The following GEMIN5 variants were observed in gnomAD, a reference collection of about 807,000 sequenced individuals.
The protein encoded by GEMIN5 is gem nuclear organelle associated protein 5.
GEMIN5 carries 124 observed loss-of-function variants against 176.9 expected under a neutral mutation model. The observed-to-expected ratio is 0.70, with a 90% CI of 0.61 to 0.81. The LOEUF (loss-of-function observed/expected upper bound fraction) is 0.81. Ranked by LOEUF, GEMIN5 falls within the 40% of genes least tolerant of loss-of-function variation. The probability of loss-of-function intolerance (pLI) is 0.00; values close to 1 mark genes in which losing one functional copy is unlikely to be tolerated. For missense variants in GEMIN5, 1,843 were observed against 1,814.6 expected, an observed-to-expected ratio of 1.02 and a Z score of -0.28; for synonymous variants, 673 against 665.2, an observed-to-expected ratio of 1.01 and a Z score of -0.18.
intron 24 of GEMIN5, among the ~76,000 whole-genome samples, chr5:154,893,871 G>A (rs1763292200): frequency 6.6e-6 from 1 of 152,174 alleles, no homozygotes; most frequent in Non-Finnish European, 1.5e-5. Context: ...AGCCTCCAGA[G>A]TGGCTGGGAC....
At chr5:154,895,836 C>T (rs139175889) in intron 24 of GEMIN5, among the ~76,000 whole-genome samples, 2 of 152,174 alleles carry the variant, frequency 1.3e-5, no homozygotes, top group Non-Finnish European at 2.9e-5. Context: ...TGCAGTGAGC[C>T]AAGATCATGC....
chr5:154,892,572 G>A (rs1199155274), intron 24 of GEMIN5, 23 bp from the exon 25 acceptor site: 1 of 1,609,848 alleles, frequency 6.2e-7, no homozygotes, highest in South Asian at 1.1e-5. Flanking sequence ...GCCAGAGTCT[G>A]AGTTAAACAT....
At position 154,905,993 on chromosome 5, in the gene GEMIN5, CTT is replaced by C. The variant is rs558096485; in HGVS notation, c.2396-519_2396-518del. Among the ~76,000 whole-genome samples the C allele has an allele frequency of 5.3e-3, 778 of 146,282 alleles. 5 individuals are homozygous for C. Among genetic ancestry groups the C allele is most frequent in the African/African-American group, 0.018 (729 of 40,158 alleles). On this transcript the variant is annotated intron_variant, in intron 16 of 27. Transcript: ENST00000285873. ...GGCGTGAGCCACCGCTCCTGGCTTA[CTT>C]TTTTTTTTTTCTTTTGGTTAGAGAT... is the stretch of plus-strand genomic sequence containing the variant.
intron 19 of GEMIN5, 64 bp downstream of exon 19, chr5:154,903,016 G>A: frequency 9.6e-7 from 1 of 1,039,348 alleles, no homozygotes. Flanking sequence ...CATCAAAGAG[G>A]TGCACACAAA....
chr5:154,895,032 T>C (rs1186076547), intron 24 of GEMIN5, among the ~76,000 whole-genome samples: 2 of 151,668 alleles, frequency 1.3e-5, no homozygotes. Flanking sequence ...TGAGCAGATA[T>C]CATGCCACTG....
intron 12 of GEMIN5, 118 bp from the exon 13 acceptor site, chr5:154,917,297 C>T (rs1763834121): frequency 8.5e-6 from 4 of 470,008 alleles, no homozygotes; most frequent in African/African-American, 5.9e-5. Flanking sequence ...AAGGATAACC[C>T]TTTCTATCAC....
rs746458574 is a variant in GEMIN5 at position 154,903,083 on chromosome 5, C to G, written c.2725G>C (p.Glu909Gln). 6.3e-7 allele frequency: 1 copy of G among 1,581,202 alleles called. No individual in the cohort carries two copies. The highest frequency in any genetic ancestry group is 2.2e-5 in the East Asian group (1 of 44,708). The change falls in exon 19 of 28, where the codon GAA (glutamate) becomes CAA (glutamine). Residue 909 changes from glutamate (E) to glutamine (Q), a missense_variant. Physicochemically the swap from Glu to Gln is conservative, Grantham distance 29. Transcript: ENST00000285873. ...RATLYRMIDI[E>Q]GKGHLENGHP... ...ATGTTGACTGGATTTGTCTCACCTT[C>G]AATATCAATCATTCTATACAGGGTA...
intron 25 of GEMIN5, 143 bp downstream of exon 25, chr5:154,892,244 A>G: frequency 1.5e-6 from 1 of 682,450 alleles, no homozygotes; most frequent in South Asian, 2.1e-5. Context: ...AAGCTTCGGT[A>G]AGAGAATCCA....
In GEMIN5 at chr5:154,888,397, G is replaced by C. The variant is rs762672822; in HGVS notation, c.4360-20C>G. 1 of 1,603,884 alleles carries C rather than the reference G, an allele frequency of 6.2e-7. No homozygotes were observed. The highest frequency in any genetic ancestry group is 1.1e-5 in the South Asian group (1 of 90,352). Reference sequence around the variant, plus strand: ...CCAGGCCTGAAAGACGATGACATGAGGATGAATAAGGAAGCATTTGCAGAA... The same window carrying C: ...CCAGGCCTGAAAGACGATGACATGACGATGAATAAGGAAGCATTTGCAGAA... On this transcript the variant is annotated intron_variant, in intron 27 of 27. Transcript: ENST00000285873.
chr5:154,888,629 T>C (rs1434341429), intron 27 of GEMIN5, among the ~76,000 whole-genome samples: 5 of 152,106 alleles, frequency 3.3e-5, no homozygotes, highest in African/African-American at 1.2e-4. Flanking sequence ...CCTATGCAAA[T>C]CCACCCTTAA....
chr5:154,904,332 T>C (rs532218431), intron 18 of GEMIN5, among the ~76,000 whole-genome samples, 175 bp downstream of exon 18: 9 of 152,084 alleles, frequency 5.9e-5, no homozygotes, highest in African/African-American at 2.2e-4. Context: ...AATGGGGAGT[T>C]TGGCAGCAAG....
intron 20 of GEMIN5, among the ~76,000 whole-genome samples, chr5:154,902,316 A>G (rs1241578644): frequency 6.6e-6 from 1 of 152,196 alleles, no homozygotes; most frequent in Non-Finnish European, 1.5e-5. Context: ...TTGTCCTTCA[A>G]GAAGTTCTCA....
intron 16 of GEMIN5, among the ~76,000 whole-genome samples, chr5:154,906,659 G>A (rs1763574707): frequency 6.6e-6 from 1 of 152,172 alleles, no homozygotes; most frequent in Admixed American, 6.5e-5. Flanking sequence ...AGCCTCCTGA[G>A]GATCTGGGAC....
At chr5:154,903,959 C>T (rs1763519619) in intron 18 of GEMIN5, among the ~76,000 whole-genome samples, 2 of 151,856 alleles carry the variant, frequency 1.3e-5, no homozygotes, top group Admixed American at 1.3e-4. Context: ...CATCCCTTTT[C>T]CACATGTAAA....
chr5:154,918,666 G>C lies in GEMIN5; in HGVS notation c.1600-662C>G, dbSNP rs79179035. Among the ~76,000 whole-genome samples the C allele has an allele frequency of 4.6e-3, 703 of 152,268 alleles. 8 individuals are homozygous for C. The highest frequency in any genetic ancestry group is 0.016 in the African/African-American group (676 of 41,544). ...GTTTAGATAAAATTAAAGACAATGA[G>C]GGAATATAATCAACAATATAACCCA... On this transcript the variant is annotated intron_variant, in intron 11 of 27. Transcript: ENST00000285873.
chr5:154,917,970 T>G lies in GEMIN5; in HGVS notation c.1634A>C (p.Lys545Thr), dbSNP rs775612472. The stretch of plus-strand genomic sequence containing the variant: ...AAGAGCCATGATTTTGCCATCTGCT[T>G]TCCAACTTATCTCTGTGTGTACAGG... ...KLPVHTEISW[K>T]ADGKIMALGN... Residue 545 changes from lysine to threonine, a missense_variant, in exon 12 of 28, where the codon AAA becomes ACA. Physicochemically the swap from Lys to Thr is moderately conservative, Grantham distance 78 (BLOSUM62 -1). Coordinates refer to ENST00000285873, the MANE Select transcript of GEMIN5 (RefSeq NM_015465.5). The G allele has an allele frequency of 6.2e-7, 1 of 1,612,726 alleles. No individual in the cohort carries two copies. Among genetic ancestry groups the G allele is most frequent in the South Asian group, 1.1e-5 (1 of 91,058 alleles).
At chr5:154,889,784 T>C (rs566274450) in intron 26 of GEMIN5, among the ~76,000 whole-genome samples, 6 of 152,360 alleles carry the variant, frequency 3.9e-5, no homozygotes, top group African/African-American at 1.2e-4. Context: ...ACTGGCTTAT[T>C]TCACTCAGCA....
In GEMIN5 at chr5:154,911,853, G is replaced by A; in HGVS notation, c.2041C>T (p.His681Tyr). 6.2e-7 allele frequency: 1 copy of A among 1,614,086 alleles called. No individual in the cohort carries two copies. ...REEPLCNFRG[H>Y]RGRLLCVAWS... ...GCCACACAAAGCAGTCGACCTCGAT[G>A]TCCTCGGAAATTGCACAGGGGCTCT... Residue 681 changes from histidine (H) to tyrosine (Y), a missense_variant, in exon 15 of 28, where the codon CAT becomes TAT. Physicochemically the swap from His to Tyr is moderately conservative, Grantham distance 83. Coordinates refer to ENST00000285873, the MANE Select transcript of GEMIN5 (RefSeq NM_015465.5).
intron 13 of GEMIN5, among the ~76,000 whole-genome samples, chr5:154,915,149 C>A (rs1291375014): frequency 6.6e-6 from 1 of 152,142 alleles, no homozygotes; most frequent in Admixed American, 6.6e-5. Flanking sequence ...ACACTGTCTA[C>A]TATTTATTAC....
Sources: gnomAD v4.1 joint callset for allele counts (sites outside exome capture counted in the v4.1 genomes callset) on GRCh38, gnomAD v4.1.1 for gene constraint, MANE v1.5 for transcripts, NCBI Gene and HGNC (gene_info 2026-07-23, HGNC 2026-07-21) for gene names.